The following HMCN1 variants were observed in gnomAD, a reference collection of about 807,000 sequenced individuals.
The protein encoded by HMCN1 is hemicentin-1.
Under a neutral mutation model 625.9 loss-of-function variants are expected in HMCN1, and 321 were observed. That is an observed-to-expected ratio of 0.51 (90% CI 0.47 to 0.56). The LOEUF (loss-of-function observed/expected upper bound fraction) is 0.56, where lower values mean the gene tolerates loss of function less well. Ranked by LOEUF, HMCN1 falls within the 20% of genes least tolerant of loss-of-function variation. The pLI is 0.00. For missense variants in HMCN1, 6,588 were observed against 6,887.3 expected (o/e 0.96, Z 1.54); for synonymous variants, 2,425 against 2,417.6 (o/e 1.00, Z -0.09).
chr1:186,168,593 G>A (rs974888439), intron 100 of HMCN1, among the ~76,000 whole-genome samples: 2 of 152,146 alleles, frequency 1.3e-5, no homozygotes, highest in Admixed American at 6.6e-5. Flanking sequence ...GTAAGGTGAG[G>A]AAGTGAAGAG....
Position 186,063,451 on chromosome 1 carries a change from AAGGAAGGAAGGAAGGAAGGAAG to A in HMCN1, c.7513+852_7513+873del, listed in dbSNP as rs1477514195. Among the ~76,000 whole-genome samples the A allele has an allele frequency of 4.6e-3, 32 of 6,896 alleles. 1 individual carries two copies. Among genetic ancestry groups the A allele is most frequent in the South Asian group, 0.035 (11 of 310 alleles). 4.5% of individuals were successfully genotyped at this position (6,896 alleles called of 152,430 possible). A position where few individuals can be genotyped will look rare whatever the true frequency, so the allele number is the denominator to read the frequency against. ...GGGAGGGAGGGAGGGACGGAGAGAG[AAGGAAGGAAGGAAGGAAGGAAG>A]GAAGGAAGGAAGGAAGGAAGGAAGG... is the stretch of plus-strand genomic sequence containing the variant. On this transcript the variant is annotated intron_variant, in intron 48 of 106. Coordinates refer to ENST00000271588, the MANE Select transcript of HMCN1 (RefSeq NM_031935.3).
intron 52 of HMCN1, among the ~76,000 whole-genome samples, chr1:186,074,529 A>G (rs1658679506): frequency 6.9e-6 from 1 of 144,866 alleles, no homozygotes; most frequent in South Asian, 2.1e-4. Flanking sequence ...AAACTGTAAC[A>G]GCAGCAATTT....
intron 50 of HMCN1, 96 bp downstream of exon 50, chr1:186,068,103 T>G (rs1658243574): frequency 8.5e-7 from 1 of 1,173,722 alleles, no homozygotes; most frequent in Admixed American, 1.7e-5. Flanking sequence ...AACACCAATG[T>G]TTTGTTGGTT....
rs1256804837 is a variant in HMCN1, at chr1:185,980,883, G to A, written c.2567-95G>A. On this transcript the variant is annotated intron_variant, in intron 16 of 106. Transcript: ENST00000271588. ...GTCCCTTCTTCAACCAGAAGGCAGT[G>A]CACACTTTCCATGCACAGATCTCAG... is the stretch of plus-strand genomic sequence containing the variant. The A allele has an allele frequency of 4.9e-6, 4 of 820,528 alleles. No individual in the cohort carries two copies. In the African/African-American group the frequency reaches 5.0e-5, roughly 10 times the overall value. The allele number at this position is 820,528 out of a possible 1,614,324, so 50.8% of individuals were successfully genotyped here. A position where few individuals can be genotyped will look rare whatever the true frequency, so the allele number is the denominator to read the frequency against.
rs752227161 is a variant in HMCN1, at chr1:186,165,083, G to A, written c.15257-28G>A. 5 of 1,607,960 alleles carry A rather than the reference G, an allele frequency of 3.1e-6. No homozygotes were observed. In the South Asian group the frequency reaches 3.3e-5, roughly 11 times the overall value. On this transcript the variant is annotated intron_variant, in intron 97 of 106. Coordinates refer to ENST00000271588, the MANE Select transcript of HMCN1 (RefSeq NM_031935.3). ...CAGGGGCAACTATTCCAATAAGCCA[G>A]TTAACTTTGCTTTCCTCTCTGTGGT...
intron 30 of HMCN1, among the ~76,000 whole-genome samples, chr1:186,013,793 A>T (rs77452900): frequency 0.015 from 2,276 of 152,308 alleles, 49 homozygotes; most frequent in African/African-American, 0.052. Context: ...TGGATAAGTA[A>T]TGTAGTACTG....
rs371455899 is a variant in HMCN1, at chr1:186,186,994, TCACACACACACA to T, written c.16415-857_16415-846del. Among the ~76,000 whole-genome samples the T allele has an allele frequency of 1.6e-3, 215 of 134,584 alleles. 3 individuals are homozygous for T. The South Asian group carries it at 0.016, about 10-fold the overall frequency. 88.3% of individuals were successfully genotyped at this position (134,584 alleles called of 152,430 possible). ...CAATCTCACATTCTCTGTCTCTGTCTCACACACACACACACACACACACACACACACACACAC... is the reference window on the plus strand; with the variant it reads ...CAATCTCACATTCTCTGTCTCTGTCTCACACACACACACACACACACACAC... On this transcript the variant is annotated intron_variant, in intron 105 of 106. Transcript: ENST00000271588.
At chr1:185,809,829 T>C (rs1187031925) in intron 1 of HMCN1, among the ~76,000 whole-genome samples, 1 of 152,144 alleles carries the variant, frequency 6.6e-6, no homozygotes. Context: ...AAGATACTTT[T>C]TGAAACAATT....
intron 68 of HMCN1, among the ~76,000 whole-genome samples, chr1:186,095,756 A>C (rs1660109816): frequency 6.6e-6 from 1 of 152,254 alleles, no homozygotes; most frequent in Admixed American, 6.5e-5. Flanking sequence ...GTAAAACATT[A>C]CTCATTGATA....
chr1:185,881,110 G>A (rs919235210), intron 4 of HMCN1, among the ~76,000 whole-genome samples: 1 of 152,212 alleles, frequency 6.6e-6, no homozygotes, highest in Admixed American at 6.5e-5. Context: ...CAGCTCAGTG[G>A]GCCCTATGCC....
At chr1:186,156,434 A>G (rs2102589116) in intron 97 of HMCN1, among the ~76,000 whole-genome samples, 1 of 152,318 alleles carries the variant, frequency 6.6e-6, no homozygotes, top group South Asian at 2.1e-4. Flanking sequence ...GAAACTGTTT[A>G]CCCTCATTAG....
At chr1:186,166,161 G>A (rs1007552804) in intron 98 of HMCN1, 23 bp from the exon 99 acceptor site, 3 of 1,613,386 alleles carry the variant, frequency 1.9e-6, no homozygotes, top group Non-Finnish European at 2.5e-6. Flanking sequence ...TACTGATTTG[G>A]GCCTTTTTGT....
At chr1:185,769,498 T>G (rs1478296027) in intron 1 of HMCN1, among the ~76,000 whole-genome samples, 1 of 152,072 alleles carries the variant, frequency 6.6e-6, no homozygotes, top group African/African-American at 2.4e-5. Flanking sequence ...AAAGAAAGCC[T>G]AATTGATGAG....
chr1:186,085,065 G>A (rs914466886), intron 57 of HMCN1, among the ~76,000 whole-genome samples: 1 of 152,066 alleles, frequency 6.6e-6, no homozygotes, highest in African/African-American at 2.4e-5. Context: ...CATGGCTGAA[G>A]GAAATCTTGA....
At chr1:186,171,513 C>A in intron 101 of HMCN1, 63 bp downstream of exon 101, 1 of 1,173,262 alleles carries the variant, frequency 8.5e-7, no homozygotes, top group Non-Finnish European at 1.3e-6. Context: ...GATGTCTGAT[C>A]TAAATGCATA....
intron 100 of HMCN1, among the ~76,000 whole-genome samples, chr1:186,168,579 G>A (rs1034973937): frequency 1.3e-5 from 2 of 152,126 alleles, no homozygotes; most frequent in Non-Finnish European, 2.9e-5. Flanking sequence ...TGGCAATCTG[G>A]AATGTAAGGT....
chr1:185,823,585 G>C (rs1660330128), intron 1 of HMCN1, among the ~76,000 whole-genome samples: 1 of 152,124 alleles, frequency 6.6e-6, no homozygotes, highest in South Asian at 2.1e-4. Context: ...TCGGTCATGA[G>C]CTTCCCAAGT....
chr1:185,963,883 C>T lies in HMCN1; in HGVS notation c.2086C>T (p.Leu696Phe). 2 of 1,611,820 alleles carry T rather than the reference C, an allele frequency of 1.2e-6. No individual in the cohort carries two copies. Among genetic ancestry groups the T allele is most frequent in the Non-Finnish European group, 1.7e-6 (2 of 1,178,266 alleles). ...TGGAACAGATAAACAGAATTCTACT[C>T]TCAGATACATTGGCAAGTATAATCA... ...SAGTDKQNST[L>F]RYIEAPKLMV... Residue 696 changes from leucine (L) to phenylalanine (F), a missense_variant, in exon 13 of 107, where the codon CTC becomes TTC. Physicochemically the swap from Leu to Phe is conservative, Grantham distance 22 (BLOSUM62 0). This residue lies in a region of HMCN1 where 4,628 missense variants were observed against 4,853.1 expected (regional missense o/e 0.95). Transcript: ENST00000271588.
At chr1:186,171,561 A>G (rs1252161291) in intron 101 of HMCN1, 111 bp downstream of exon 101, 1 of 847,868 alleles carries the variant, frequency 1.2e-6, no homozygotes. Flanking sequence ...TAGGACATCA[A>G]GCATGCAGCA....
Sources: gnomAD v4.1 joint callset for allele counts (sites outside exome capture counted in the v4.1 genomes callset) on GRCh38, gnomAD v4.1.1 for gene constraint, gnomAD v4.1.1 regional missense constraint, MANE v1.5 for transcripts, NCBI Gene and HGNC (gene_info 2026-07-23, HGNC 2026-07-21) for gene names.